The following MED13L variants were observed in gnomAD, a reference collection of about 807,000 sequenced individuals.
MED13L encodes the protein mediator complex subunit 13L.
In MED13L, 7 loss-of-function variants were observed where a neutral mutation model predicts 220.9. The observed-to-expected ratio is 0.03, with a 90% CI of 0.02 to 0.06. MED13L has a LOEUF of 0.06. MED13L is among the 10% of genes least tolerant of loss of function. The pLI is 1.00. For synonymous variants in MED13L, 1,011 were observed against 1,015.2 expected, an observed-to-expected ratio of 1.00 and a Z score of 0.08; for missense variants, 1,965 against 2,760.5, an observed-to-expected ratio of 0.71 and a Z score of 6.46.
chr12:116,227,123 G>C (rs560387337), intron 2 of MED13L, among the ~76,000 whole-genome samples: 1 of 152,190 alleles, frequency 6.6e-6, no homozygotes, highest in African/African-American at 2.4e-5. Context: ...CTATACATCA[G>C]TTTAGTCTAT....
intron 1 of MED13L, among the ~76,000 whole-genome samples, chr12:116,271,029 A>T: frequency 7.9e-6 from 1 of 126,078 alleles, no homozygotes; most frequent in Admixed American, 9.8e-5. Flanking sequence ...TGACAGAGCG[A>T]GACTCCGTCT....
At chr12:115,967,946 G>A (rs545261691) in intron 28 of MED13L, among the ~76,000 whole-genome samples, 30 of 151,658 alleles carry the variant, frequency 2.0e-4, no homozygotes, top group African/African-American at 7.3e-4. Context: ...TATAACATGG[G>A]AACAGTCTGA....
intron 14 of MED13L, among the ~76,000 whole-genome samples, chr12:115,999,021 G>A (rs776630504): frequency 4.5e-4 from 69 of 151,944 alleles, no homozygotes; most frequent in Non-Finnish European, 8.2e-4. Context: ...CTACATAACC[G>A]ATACACTCTG....
intron 2 of MED13L, among the ~76,000 whole-genome samples, chr12:116,168,564 GAA>G (rs770539007): frequency 1.3e-5 from 2 of 152,106 alleles, no homozygotes; most frequent in Non-Finnish European, 2.9e-5. Context: ...AAGACACCAT[GAA>G]AAAGAGGTAT....
intron 1 of MED13L, among the ~76,000 whole-genome samples, chr12:116,273,125 A>G (rs1873521664): frequency 6.6e-6 from 1 of 152,004 alleles, no homozygotes; most frequent in Non-Finnish European, 1.5e-5. Flanking sequence ...ACCAATATGG[A>G]GAAACCCCGT....
At chr12:116,020,144 T>C (rs1228445391) in intron 5 of MED13L, among the ~76,000 whole-genome samples, 172 bp from the exon 6 acceptor site, 1 of 152,230 alleles carries the variant, frequency 6.6e-6, no homozygotes, top group Non-Finnish European at 1.5e-5. Flanking sequence ...AAAATTATTT[T>C]TGTAGAGACT....
Position 116,008,689 on chromosome 12 carries a change from G to A in MED13L, c.1724C>T (p.Ser575Leu), listed in dbSNP as rs377144746. The change falls in exon 10 of 31, where the codon TCG (serine) becomes TTG (leucine). Residue 575 changes from serine (S) to leucine (L), a missense_variant. Around this residue, in one of 10 missense-constraint regions of MED13L, gnomAD observed 818 missense variants for 1,041.2 expected, o/e 0.79. Transcript: ENST00000281928. ...GQETESLDPP[S>L]VPVNPALYGN... ...ATAAAGGGCTGGATTCACAGGGACCGATGGTGGGTCCAAACTCTCTGTTTC... is the reference window on the plus strand; with the variant it reads ...ATAAAGGGCTGGATTCACAGGGACCAATGGTGGGTCCAAACTCTCTGTTTC... 1.9e-5 allele frequency: 31 copies of A among 1,613,904 alleles called. No individual in the cohort carries two copies. The highest frequency in any genetic ancestry group is 5.3e-5 in the African/African-American group (4 of 74,902).
At chr12:116,185,274 T>C (rs1343489255) in intron 2 of MED13L, among the ~76,000 whole-genome samples, 1 of 151,938 alleles carries the variant, frequency 6.6e-6, no homozygotes, top group African/African-American at 2.4e-5. Context: ...GAAACACCTT[T>C]CTTATTTTTA....
At position 116,033,795 on chromosome 12, in the gene MED13L, A is replaced by G. The variant is rs559745391; in HGVS notation, c.480-11194T>C. On this transcript the variant is annotated intron_variant, in intron 4 of 30. Transcript: ENST00000281928. ...GTACATATATTCCTTTTATATACAT[A>G]TAACAGGAAACTGTGTTAGAGAAAG... 4.6e-5 allele frequency among the ~76,000 whole-genome samples: 7 copies of G among 152,288 alleles called. No homozygotes were observed. The East Asian group carries it at 7.7e-4, about 17-fold the overall frequency.
At chr12:116,079,410 GA>G (rs2137726441) in intron 4 of MED13L, among the ~76,000 whole-genome samples, 1 of 152,040 alleles carries the variant, frequency 6.6e-6, no homozygotes, top group Admixed American at 6.5e-5. Flanking sequence ...AGAGATGGGG[GA>G]GGGGGGGTCT....
chr12:116,102,703 C>CTTTCT, intron 3 of MED13L, among the ~76,000 whole-genome samples: 1 of 63,204 alleles, frequency 1.6e-5, no homozygotes. Context: ...TTTTCTTTTT[C>CTTTCT]TTTTTTCTTT....
rs542425590 is a variant in MED13L at position 116,007,645 on chromosome 12, CAAAAA to C, written c.2013-14_2013-10del. The C allele has an allele frequency of 1.5e-3, 1,106 of 757,116 alleles. No homozygotes were observed. Among genetic ancestry groups the C allele is most frequent in the Non-Finnish European group, 1.6e-3 (865 of 547,802 alleles). 46.9% of individuals were successfully genotyped at this position (757,116 alleles called of 1,614,324 possible). On this transcript the variant is annotated splice_polypyrimidine_tract_variant and intron_variant, in intron 10 of 30. Transcript: ENST00000281928. ...TAGGTTGTGCTAAGAGTCTAAAAGA[CAAAAA>C]AAAAAAAAAAAAAAAGAGCATTTAT...
intron 2 of MED13L, among the ~76,000 whole-genome samples, chr12:116,217,112 G>A (rs1371203448): frequency 6.6e-6 from 1 of 152,122 alleles, no homozygotes; most frequent in East Asian, 1.9e-4. Flanking sequence ...TAACCCAATT[G>A]TGCTGGGATG....
At chr12:116,067,057 G>A (rs1458171750) in intron 4 of MED13L, among the ~76,000 whole-genome samples, 1 of 152,024 alleles carries the variant, frequency 6.6e-6, no homozygotes, top group African/African-American at 2.4e-5. Context: ...GGAGGACAAA[G>A]TGAACCCTGC....
intron 9 of MED13L, among the ~76,000 whole-genome samples, chr12:116,010,953 T>C (rs1879357401): frequency 6.6e-6 from 1 of 151,490 alleles, no homozygotes; most frequent in Admixed American, 6.6e-5. Context: ...CTCGGCTCAC[T>C]GCAACCTCCG....
In MED13L at chr12:115,975,501, T is replaced by G. The variant is rs773492789; in HGVS notation, c.5588+14A>C. ...CATTAATTTACATGCACCATAAACA[T>G]CAAGTCTTCTCACCTGTTTGGTAAA... On this transcript the variant is annotated intron_variant, in intron 24 of 30. Transcript: ENST00000281928. The G allele has an allele frequency of 1.9e-6, 3 of 1,609,624 alleles. No homozygotes were observed. The highest frequency in any genetic ancestry group is 2.6e-6 in the Non-Finnish European group (3 of 1,176,050).
chr12:116,186,504 T>C (rs749141226), intron 2 of MED13L, among the ~76,000 whole-genome samples: 6 of 152,316 alleles, frequency 3.9e-5, no homozygotes, highest in Middle Eastern at 3.4e-3. Flanking sequence ...TTAGATCCAG[T>C]AAGTTAGAAG....
chr12:116,230,269 G>A (rs923692307), intron 2 of MED13L, among the ~76,000 whole-genome samples: 8 of 152,134 alleles, frequency 5.3e-5, no homozygotes, highest in South Asian at 2.1e-4. Context: ...GCATGGTGGC[G>A]AGCATCTATA....
intron 1 of MED13L, among the ~76,000 whole-genome samples, chr12:116,252,983 C>T (rs1871690403): frequency 6.6e-6 from 1 of 152,120 alleles, no homozygotes; most frequent in South Asian, 2.1e-4. Context: ...CACAGAGGGC[C>T]AGGCGTGATG....
Sources: gnomAD v4.1 joint callset for allele counts (sites outside exome capture counted in the v4.1 genomes callset) on GRCh38, gnomAD v4.1.1 for gene constraint, gnomAD v4.1.1 regional missense constraint, MANE v1.5 for transcripts, NCBI Gene and HGNC (gene_info 2026-07-23, HGNC 2026-07-21) for gene names.